Variants in FAM117A observed in about 807,000 individuals in gnomAD.
FAM117A encodes protein FAM117A.
A neutral mutation model predicts 44.1 loss-of-function variants in FAM117A; 21 were observed. The observed-to-expected ratio is 0.48, with a 90% CI of 0.34 to 0.69. The LOEUF is 0.69. Ranked by LOEUF, FAM117A falls within the 30% of genes least tolerant of loss-of-function variation. The probability of loss-of-function intolerance (pLI) is 0.01; values close to 1 mark genes in which losing one functional copy is unlikely to be tolerated. For missense variants in FAM117A, 498 were observed against 589.9 expected (o/e 0.84, Z 1.61); for synonymous variants, 220 against 238.3 (o/e 0.92, Z 0.71).
chr17:49,711,450 G>C lies in FAM117A; in HGVS notation c.1167C>G (p.Pro389=). ...AGATGAAGCCCATGCCGGGGAAGAG[G>C]GGCTTCATCAGGTTGACGGGGCAGA... is the stretch of plus-strand genomic sequence containing the variant. The part of the protein sequence containing the change: ...SAFCPVNLMK[P]LFPGMGFIFR... The change falls in exon 8 of 8, where the codon CCC becomes CCG. Residue 389 remains proline, a synonymous_variant. Transcript: ENST00000240364. The C allele has an allele frequency of 6.2e-7, 1 of 1,614,038 alleles. No homozygotes were observed. The highest frequency in any genetic ancestry group is 1.1e-5 in the South Asian group (1 of 91,088).
intron 1 of FAM117A, among the ~76,000 whole-genome samples, chr17:49,757,722 C>T (rs547808736): frequency 2.6e-5 from 4 of 152,296 alleles, no homozygotes; most frequent in African/African-American, 7.2e-5. Context: ...TTGTTTTTGA[C>T]CTAATAATGT....
intron 7 of FAM117A, among the ~76,000 whole-genome samples, chr17:49,713,605 C>T (rs1336898501): frequency 6.6e-6 from 1 of 152,056 alleles, no homozygotes; most frequent in Admixed American, 6.5e-5. Flanking sequence ...CTCCTGGGCT[C>T]AAGCAATTCT....
intron 1 of FAM117A, among the ~76,000 whole-genome samples, chr17:49,773,826 T>G (rs1044404050): frequency 5.3e-5 from 8 of 152,112 alleles, no homozygotes; most frequent in Non-Finnish European, 1.0e-4. Flanking sequence ...CGATCTCGGC[T>G]CACTGTAACC....
At chr17:49,748,243 T>A (rs938148979) in intron 1 of FAM117A, among the ~76,000 whole-genome samples, 1 of 152,186 alleles carries the variant, frequency 6.6e-6, no homozygotes, top group Non-Finnish European at 1.5e-5. Context: ...CAGGGAAACA[T>A]TGGTACATTA....
chr17:49,777,704 G>C (rs2073779039), intron 1 of FAM117A, among the ~76,000 whole-genome samples: 1 of 152,164 alleles, frequency 6.6e-6, no homozygotes, highest in Non-Finnish European at 1.5e-5. Flanking sequence ...TAAATGCCAG[G>C]GATGCTGGTT....
At position 49,758,633 on chromosome 17, in the gene FAM117A, AAAATAAAAT is replaced by A. The variant is rs1485713572; in HGVS notation, c.196+5250_196+5258del. On this transcript the variant is annotated intron_variant, in intron 1 of 7. Transcript: ENST00000240364. ...AGCGAGACTGTCTCAAAAAAAAAAAAAAATAAAATAAATAAATAAATAAATAAATAAATA... is the reference window on the plus strand; with the variant it reads ...AGCGAGACTGTCTCAAAAAAAAAAAAAAATAAATAAATAAATAAATAAATA... 1.9e-3 allele frequency among the ~76,000 whole-genome samples: 237 copies of A among 123,222 alleles called. 3 individuals are homozygous for A. Among genetic ancestry groups the A allele is most frequent in the African/African-American group, 7.5e-3 (226 of 30,114 alleles). The allele number at this position is 123,222 out of a possible 152,430, so 80.8% of individuals were successfully genotyped here.
At chr17:49,735,494 T>C (rs1210553515) in intron 1 of FAM117A, among the ~76,000 whole-genome samples, 2 of 152,252 alleles carry the variant, frequency 1.3e-5, no homozygotes, top group Non-Finnish European at 2.9e-5. Context: ...TGCTATATTA[T>C]GTTCTGCTTG....
At chr17:49,727,214 T>C (rs1041577953) in intron 2 of FAM117A, among the ~76,000 whole-genome samples, 1 of 151,938 alleles carries the variant, frequency 6.6e-6, no homozygotes, top group African/African-American at 2.4e-5. Context: ...AAGACCAGCC[T>C]GGTCAACATG....
rs117157121 is a variant in FAM117A at position 49,737,116 on chromosome 17, C to G, written c.197-4396G>C. 3.7e-4 allele frequency among the ~76,000 whole-genome samples: 56 copies of G among 152,326 alleles called. No homozygotes were observed. The East Asian group carries it at 0.01, about 28-fold the overall frequency. ...TAGCTGCTTGTCTTTTTTTCTCTCT[C>G]TGAGGCTCAGGAAGGCCCAACCTCT... On this transcript the variant is annotated intron_variant, in intron 1 of 7. Transcript: ENST00000240364.
chr17:49,717,636 C>A lies in FAM117A; in HGVS notation c.787G>T (p.Glu263Ter). 6.2e-7 allele frequency: 1 copy of A among 1,614,008 alleles called. No homozygotes were observed. Among genetic ancestry groups the A allele is most frequent in the Non-Finnish European group, 8.5e-7 (1 of 1,179,966 alleles). The change falls in exon 6 of 8, where the codon GAG (glutamate) becomes TAG (stop). Residue 263 changes from glutamate (E) to a stop codon, truncating the protein, a stop_gained. Coordinates refer to ENST00000240364, the MANE Select transcript of FAM117A (RefSeq NM_030802.4). LOFTEE classifies it high-confidence loss of function. The stretch of plus-strand genomic sequence containing the variant: ...GGAGAGCTGGCAAGGTTGCCAGGCT[C>A]CAGGAGGAGGAGGGGATGATCACAG... The part of the protein sequence containing the change: ...GSCDHPLLLL[E>*]PGNLASSPSM...
At chr17:49,763,586 C>T (rs1214325467) in intron 1 of FAM117A, among the ~76,000 whole-genome samples, 1 of 151,504 alleles carries the variant, frequency 6.6e-6, no homozygotes, top group Non-Finnish European at 1.5e-5. Flanking sequence ...CTGCATCTTC[C>T]ACTCACCCCA....
At chr17:49,786,267 G>A (rs906814165) in intron 1 of FAM117A, among the ~76,000 whole-genome samples, 1 of 152,180 alleles carries the variant, frequency 6.6e-6, no homozygotes, top group Non-Finnish European at 1.5e-5. Flanking sequence ...AGGGAATCTA[G>A]CATAAGAAAT....
chr17:49,769,937 TGGATCCCGTTCAGTGCTGCCTCA>T (rs2073756099), intron 1 of FAM117A, among the ~76,000 whole-genome samples: 1 of 152,008 alleles, frequency 6.6e-6, no homozygotes, highest in African/African-American at 2.4e-5. Context: ...CCAGGACTTC[TGGATCCCGTTCAGTGCTGCCTCA>T]AAACATAAAT....
chr17:49,756,916 C>CAAAAA (rs59004870), intron 1 of FAM117A, among the ~76,000 whole-genome samples: 1 of 109,948 alleles, frequency 9.1e-6, no homozygotes. Flanking sequence ...GACTCTGCCT[C>CAAAAA]AAAAAAAAAA....
At chr17:49,723,158 G>C (rs2073543402) in intron 2 of FAM117A, among the ~76,000 whole-genome samples, 4 of 152,126 alleles carry the variant, frequency 2.6e-5, no homozygotes, top group Admixed American at 6.5e-5. Flanking sequence ...CCTGCACATG[G>C]AATAAGTGTT....
chr17:49,767,670 C>T (rs550457448), upstream of FAM117A, among the ~76,000 whole-genome samples: 54 of 152,168 alleles, frequency 3.5e-4, no homozygotes, highest in African/African-American at 1.1e-3. Context: ...TTTAGGAGGC[C>T]GAGGTGGGTG....
intron 1 of FAM117A, among the ~76,000 whole-genome samples, chr17:49,785,560 TAGGAAGCAGCAG>T (rs1268262721): frequency 1.3e-5 from 2 of 151,980 alleles, no homozygotes; most frequent in African/African-American, 2.4e-5. Flanking sequence ...GTAATGCAGG[TAGGAAGCAGCAG>T]AGCGGAGATT....
At chr17:49,778,965 G>C (rs1298675814) in intron 1 of FAM117A, among the ~76,000 whole-genome samples, 1 of 152,192 alleles carries the variant, frequency 6.6e-6, no homozygotes, top group African/African-American at 2.4e-5. Flanking sequence ...CTGAGAAAAT[G>C]GTATTTGAGC....
intron 2 of FAM117A, among the ~76,000 whole-genome samples, chr17:49,725,845 A>G (rs1005948288): frequency 6.6e-6 from 1 of 152,250 alleles, no homozygotes; most frequent in Non-Finnish European, 1.5e-5. Flanking sequence ...ATACCATTAC[A>G]AACGTCCTTA....
Sources: gnomAD v4.1 joint callset for allele counts (sites outside exome capture counted in the v4.1 genomes callset) on GRCh38, gnomAD v4.1.1 for gene constraint, MANE v1.5 for transcripts, NCBI Gene and HGNC (gene_info 2026-07-23, HGNC 2026-07-21) for gene names.